PDE9A: variants seen among roughly 807,000 people sequenced by gnomAD.
PDE9A encodes the protein phosphodiesterase 9A, also known as high affinity cGMP-specific 3',5'-cyclic phosphodiesterase 9A.
PDE9A carries 60 observed loss-of-function variants against 87.4 expected under a neutral mutation model. That is an observed-to-expected ratio of 0.69 (90% CI 0.56 to 0.85). PDE9A has a LOEUF of 0.85. PDE9A is among the 40% of genes least tolerant of loss of function. The pLI is 0.00. For synonymous variants in PDE9A, 272 were observed against 279.4 expected (o/e 0.97, Z 0.27); for missense variants, 665 against 779.0 (o/e 0.85, Z 1.74).
chr21:42,728,190 G>C (rs2051338576), intron 4 of PDE9A, among the ~76,000 whole-genome samples: 1 of 152,204 alleles, frequency 6.6e-6, no homozygotes, highest in Non-Finnish European at 1.5e-5. Flanking sequence ...GTGTACGGGA[G>C]GATGTGCATA....
Position 42,675,203 on chromosome 21 carries a change from G to A in PDE9A, c.70-10989G>A, listed in dbSNP as rs925491209. ...TACATCAGCAGCGGTTTCCAATATA[G>A]CATTAAATTGTCTTCAAAAACATGA... On this transcript the variant is annotated intron_variant, in intron 1 of 19. Transcript: ENST00000291539. This position sits in a 1 kb window ranked among gnomAD's most constrained non-coding sequence, Gnocchi z 4.3. Among the ~76,000 whole-genome samples the A allele has an allele frequency of 2.6e-5, 4 of 152,180 alleles. No homozygotes were observed. Among genetic ancestry groups the A allele is most frequent in the African/African-American group, 9.7e-5 (4 of 41,428 alleles).
intron 1 of PDE9A, among the ~76,000 whole-genome samples, chr21:42,663,058 CCA>C (rs2057700168): frequency 6.9e-6 from 1 of 144,900 alleles, no homozygotes; most frequent in East Asian, 2.0e-4. Flanking sequence ...CATGCACACA[CCA>C]CACTTACACA....
chr21:42,751,284 G>A, intron 9 of PDE9A, 87 bp downstream of exon 9: 1 of 953,738 alleles, frequency 1.0e-6, no homozygotes, highest in Non-Finnish European at 1.7e-6. Flanking sequence ...AGACCCTGCT[G>A]TGTGTACGTT....
intron 1 of PDE9A, among the ~76,000 whole-genome samples, chr21:42,664,679 G>A (rs1046552226): frequency 3.3e-5 from 5 of 151,688 alleles, no homozygotes; most frequent in African/African-American, 9.7e-5. Flanking sequence ...GGGAGGGAGG[G>A]AGGGGGTTCC....
At chr21:42,690,942 C>A (rs1374976546) in intron 3 of PDE9A, among the ~76,000 whole-genome samples, 1 of 152,124 alleles carries the variant, frequency 6.6e-6, no homozygotes, top group Non-Finnish European at 1.5e-5. Flanking sequence ...AGCCCATCAC[C>A]ATCACTAGCA....
chr21:42,754,165 T>C (rs4919999), intron 10 of PDE9A, 101 bp downstream of exon 10: 448,450 of 647,192 alleles, frequency 0.69, 157,165 homozygotes, highest in East Asian at 0.84. Flanking sequence ...TTCTTGCTTT[T>C]TCCTCTTCTT....
At chr21:42,746,184 C>T (rs900806677) in intron 8 of PDE9A, among the ~76,000 whole-genome samples, 5 of 152,226 alleles carry the variant, frequency 3.3e-5, no homozygotes, top group Admixed American at 6.5e-5. Context: ...TCGGATCACA[C>T]GCCGCTCCTG....
Position 42,738,490 on chromosome 21 carries a change from C to T in PDE9A, c.568+5064C>T, listed in dbSNP as rs192907070. On this transcript the variant is annotated intron_variant, in intron 7 of 19. Coordinates refer to ENST00000291539, the MANE Select transcript of PDE9A (RefSeq NM_002606.3). ...CAGCACAGAGCCTCCTGAGCCTCGGCTCAGCTCTCCCCGACCCCCAGCTCG... is the reference window on the plus strand; with the variant it reads ...CAGCACAGAGCCTCCTGAGCCTCGGTTCAGCTCTCCCCGACCCCCAGCTCG... 1.9e-3 allele frequency among the ~76,000 whole-genome samples: 295 copies of T among 152,270 alleles called. 4 individuals carry two copies. Among genetic ancestry groups the T allele is most frequent in the African/African-American group, 6.7e-3 (278 of 41,542 alleles).
At chr21:42,736,169 C>T (rs897548056) in intron 7 of PDE9A, among the ~76,000 whole-genome samples, 1 of 152,186 alleles carries the variant, frequency 6.6e-6, no homozygotes, top group Non-Finnish European at 1.5e-5. Context: ...CCCCCATGCT[C>T]TTCCCGGAAA....
At chr21:42,732,677 G>A (rs2051934085) in intron 6 of PDE9A, among the ~76,000 whole-genome samples, 1 of 152,242 alleles carries the variant, frequency 6.6e-6, no homozygotes, top group African/African-American at 2.4e-5. Flanking sequence ...CACTTTGGGA[G>A]GCGGAGGCGG....
chr21:42,737,112 A>G (rs1264753796), intron 7 of PDE9A, among the ~76,000 whole-genome samples: 1 of 152,252 alleles, frequency 6.6e-6, no homozygotes, highest in Admixed American at 6.5e-5. Flanking sequence ...CCAGCTTCTC[A>G]GAAGGTCAGT....
intron 6 of PDE9A, 26 bp downstream of exon 6, chr21:42,732,150 C>CA (rs576365174): frequency 8.1e-6 from 13 of 1,605,730 alleles, no homozygotes; most frequent in Non-Finnish European, 1.1e-5. Context: ...AACTTACAAC[C>CA]AGCCAGAGAT....
chr21:42,750,341 C>A (rs972033595), intron 8 of PDE9A, among the ~76,000 whole-genome samples: 2 of 152,058 alleles, frequency 1.3e-5, no homozygotes, highest in East Asian at 3.9e-4. Context: ...AAAGCGGCCA[C>A]CCATGTGTGT....
chr21:42,762,527 CAG>C (rs1205065821), intron 14 of PDE9A, among the ~76,000 whole-genome samples: 1 of 152,200 alleles, frequency 6.6e-6, no homozygotes, highest in Non-Finnish European at 1.5e-5. Context: ...GTCCCTCTTC[CAG>C]CCCAAGAAAC....
chr21:42,657,908 T>C (rs1476528815), intron 1 of PDE9A, among the ~76,000 whole-genome samples: 2 of 152,370 alleles, frequency 1.3e-5, no homozygotes, highest in East Asian at 3.9e-4. Context: ...AACACATCGG[T>C]GGCCGCTTGA....
intron 19 of PDE9A, among the ~76,000 whole-genome samples, chr21:42,773,259 CAAAA>C (rs10552392): frequency 4.7e-5 from 4 of 84,252 alleles, no homozygotes; most frequent in Non-Finnish European, 7.2e-5. Flanking sequence ...GACTCCATCT[CAAAA>C]AAAAAAAAAA....
chr21:42,661,177 G>A (rs1017145574), intron 1 of PDE9A, among the ~76,000 whole-genome samples: 15 of 151,992 alleles, frequency 9.9e-5, no homozygotes, highest in African/African-American at 2.4e-4. Flanking sequence ...GACTACAGGC[G>A]CCTGCCACCA....
rs1241860603 is a variant in PDE9A at position 42,723,082 on chromosome 21, C to A, written c.263-8688C>A. ...GGCAGGGTGTCCATCCTGCCACCCACACAGCTGCGTCCTGCCCAGGAATGA... is the reference window on the plus strand; with the variant it reads ...GGCAGGGTGTCCATCCTGCCACCCAAACAGCTGCGTCCTGCCCAGGAATGA... On this transcript the variant is annotated intron_variant, in intron 4 of 19. Transcript: ENST00000291539. This position sits in a 1 kb window ranked among gnomAD's most constrained non-coding sequence, Gnocchi z 4.3. Among the ~76,000 whole-genome samples, 1 of 152,236 alleles carries A rather than the reference C, an allele frequency of 6.6e-6. No individual in the cohort carries two copies. Among genetic ancestry groups the A allele is most frequent in the East Asian group, 1.9e-4 (1 of 5,190 alleles).
At chr21:42,700,569 C>T (rs2048306391) in intron 4 of PDE9A, 1 of 152,134 alleles carries the variant, frequency 6.6e-6, no homozygotes, top group Admixed American at 6.5e-5. Context: ...CCAGGTAGGA[C>T]CACGAGCTTC....
Sources: allele counts gnomAD v4.1 joint callset (sites outside exome capture counted in the v4.1 genomes callset), GRCh38; gene constraint gnomAD v4.1.1; non-coding constraint Gnocchi (gnomAD v3.1); transcripts MANE v1.5; gene names NCBI Gene and HGNC (gene_info 2026-07-23, HGNC 2026-07-21).